The following EDA variants were observed in gnomAD, a reference collection of about 807,000 sequenced individuals.
EDA encodes ectodysplasin-A.
Under a neutral mutation model 23.6 loss-of-function variants are expected in EDA, and 2 were observed. The observed-to-expected ratio is 0.08, with a 90% CI of 0.03 to 0.27. The LOEUF (loss-of-function observed/expected upper bound fraction) is 0.27, where lower values mean the gene tolerates loss of function less well. Among genes scored for constraint, EDA ranks in the 10% least tolerant of loss-of-function variants. The pLI, the probability that EDA is intolerant of heterozygous loss-of-function variation, is 1.00. For missense variants in EDA, 229 were observed against 324.2 expected, an observed-to-expected ratio of 0.71 and a Z score of 2.26; for synonymous variants, 131 against 132.0, an observed-to-expected ratio of 0.99 and a Z score of 0.05.
At chrX:69,809,227 A>G (rs887597977) in intron 1 of EDA, among the ~76,000 whole-genome samples, 1 of 111,749 alleles carries the variant, frequency 8.9e-6, no homozygotes, top group African/African-American at 3.3e-5. Context: ...TAATTTATGG[A>G]AAAAAAGAGG....
intron 1 of EDA, among the ~76,000 whole-genome samples, chrX:69,854,197 T>C (rs1174699130): frequency 9.0e-6 from 1 of 110,510 alleles, no homozygotes; most frequent in Non-Finnish European, 1.9e-5. Flanking sequence ...TGGTTTGTTT[T>C]GTTTTGTTTT....
chrX:69,993,641 G>C (rs773570522), intron 2 of EDA, among the ~76,000 whole-genome samples: 1 of 111,911 alleles, frequency 8.9e-6, no homozygotes, highest in Non-Finnish European at 1.9e-5. Flanking sequence ...TCACAGCCCT[G>C]AACTGAGGAA....
At chrX:69,880,634 C>G (rs1158471142) in intron 1 of EDA, among the ~76,000 whole-genome samples, 1 of 111,840 alleles carries the variant, frequency 8.9e-6, no homozygotes, top group African/African-American at 3.3e-5. Flanking sequence ...GTCCTTCTAC[C>G]CCAGTAGCTG....
chrX:69,701,570 T>C (rs1015285449), intron 1 of EDA, among the ~76,000 whole-genome samples: 2 of 111,371 alleles, frequency 1.8e-5, no homozygotes, highest in African/African-American at 3.3e-5. Flanking sequence ...ATTAAGAAGG[T>C]CTTGTTGTAG....
At chrX:69,853,909 T>A (rs1004571859) in intron 1 of EDA, among the ~76,000 whole-genome samples, 1 of 112,113 alleles carries the variant, frequency 8.9e-6, no homozygotes, top group Non-Finnish European at 1.9e-5. Flanking sequence ...AAAACAATTC[T>A]TAGCTCAAGG....
chrX:69,731,523 C>T (rs940430985), intron 1 of EDA, among the ~76,000 whole-genome samples: 3 of 109,632 alleles, frequency 2.7e-5, no homozygotes, highest in Admixed American at 9.8e-5. Flanking sequence ...CTCACTGCAA[C>T]CTCCGCCTCC....
chrX:69,785,371 A>G (rs1337507622), intron 1 of EDA, among the ~76,000 whole-genome samples: 4 of 84,674 alleles, frequency 4.7e-5, no homozygotes, highest in East Asian at 3.0e-4. Context: ...GTCTTGTGCC[A>G]GTTTTCAAAG....
intron 6 of EDA, among the ~76,000 whole-genome samples, chrX:70,032,264 G>GAAA (rs781197702): frequency 1.1e-5 from 1 of 90,102 alleles, no homozygotes; most frequent in Non-Finnish European, 2.2e-5. Context: ...GTCCATCTCA[G>GAAA]AAAAAAAAAA....
At chrX:69,749,531 T>C (rs1394887865) in intron 1 of EDA, among the ~76,000 whole-genome samples, 1 of 110,644 alleles carries the variant, frequency 9.0e-6, no homozygotes. Context: ...TCCACAATGG[T>C]TGAACTAGTT....
chrX:69,959,379 CCTGGTGGT>C (rs2147423055), intron 2 of EDA, among the ~76,000 whole-genome samples: 1 of 111,681 alleles, frequency 9.0e-6, no homozygotes, highest in East Asian at 2.8e-4. Context: ...CAACTTTTCA[CCTGGTGGT>C]CTGTAGAACC....
intron 1 of EDA, among the ~76,000 whole-genome samples, chrX:69,916,242 A>G (rs1481828428): frequency 9.0e-6 from 1 of 111,253 alleles, no homozygotes; most frequent in South Asian, 3.8e-4. Context: ...TTTTATGCCA[A>G]TTTCAATAAA....
At chrX:69,657,039 G>A (rs1933342641) in intron 1 of EDA, among the ~76,000 whole-genome samples, 1 of 111,708 alleles carries the variant, frequency 9.0e-6, no homozygotes, top group Non-Finnish European at 1.9e-5. Context: ...TGGGTTGAAT[G>A]GTAATTCTAT....
At chrX:69,752,376 C>T (rs767943897) in intron 1 of EDA, among the ~76,000 whole-genome samples, 52 of 111,651 alleles carry the variant, frequency 4.7e-4, no homozygotes, top group Non-Finnish European at 7.9e-4. Context: ...TGCTGAATTA[C>T]GTTTATTGAT....
intron 1 of EDA, among the ~76,000 whole-genome samples, chrX:69,764,733 C>T (rs2014421723): frequency 9.0e-6 from 1 of 111,335 alleles, no homozygotes; most frequent in Non-Finnish European, 1.9e-5. Context: ...CAGATAATCT[C>T]CTTTACCATA....
intron 1 of EDA, among the ~76,000 whole-genome samples, chrX:69,626,521 T>A (rs745662493): frequency 8.9e-6 from 1 of 112,110 alleles, no homozygotes; most frequent in African/African-American, 3.2e-5. Context: ...AAATATATTA[T>A]GCTAAGTGAA....
intron 1 of EDA, chrX:69,860,925 C>T (rs1193046193): frequency 5.8e-6 from 3 of 521,389 alleles, no homozygotes; most frequent in East Asian, 7.2e-5. Flanking sequence ...CTGTTAAAAG[C>T]ACACGAGTCG....
At chrX:69,716,096 C>T (rs979753581) in intron 1 of EDA, among the ~76,000 whole-genome samples, 3 of 111,764 alleles carry the variant, frequency 2.7e-5, no homozygotes, top group African/African-American at 9.8e-5. Context: ...TCCATTTTTG[C>T]TTTTGTTGCA....
chrX:70,029,382 G>T, intron 4 of EDA, 122 bp from the exon 5 acceptor site: 1 of 841,073 alleles, frequency 1.2e-6, no homozygotes, highest in Non-Finnish European at 1.8e-6. Flanking sequence ...TCTGAGCCCT[G>T]GAGAATAAAG....
intron 1 of EDA, among the ~76,000 whole-genome samples, chrX:69,935,948 G>C (rs1362945797): frequency 9.3e-6 from 1 of 107,120 alleles, no homozygotes; most frequent in East Asian, 2.9e-4. Context: ...TGTTATACTT[G>C]ACTGAAGATT....
Sources: allele counts gnomAD v4.1 joint callset (sites outside exome capture counted in the v4.1 genomes callset), GRCh38; gene constraint gnomAD v4.1.1; transcripts MANE v1.5; gene names NCBI Gene and HGNC (gene_info 2026-07-23, HGNC 2026-07-21).